Variants in CDC14A observed in about 807,000 individuals in gnomAD.
CDC14A encodes the protein dual specificity protein phosphatase CDC14A.
Under a neutral mutation model 74.4 loss-of-function variants are expected in CDC14A, and 53 were observed. The observed-to-expected ratio is 0.71, with a 90% CI of 0.57 to 0.89. The LOEUF (loss-of-function observed/expected upper bound fraction) is 0.89. CDC14A is among the 40% of genes least tolerant of loss of function. The pLI, the probability that CDC14A is intolerant of heterozygous loss-of-function variation, is 0.00. For missense variants in CDC14A, 646 were observed against 713.7 expected (o/e 0.91, Z 1.08); for synonymous variants, 247 against 258.4 (o/e 0.96, Z 0.43).
upstream of CDC14A, among the ~76,000 whole-genome samples, chr1:100,348,050 G>A (rs948202274): frequency 1.9e-4 from 29 of 152,068 alleles, no homozygotes; most frequent in Admixed American, 9.8e-4. Flanking sequence ...TTGGGAGGGC[G>A]AGGTGGGCGG....
At chr1:100,371,932 G>A (rs574774548) in intron 2 of CDC14A, among the ~76,000 whole-genome samples, 1 of 152,268 alleles carries the variant, frequency 6.6e-6, no homozygotes, top group African/African-American at 2.4e-5. Context: ...ACTGGTAGAT[G>A]CATATTTATA....
intron 4 of CDC14A, among the ~76,000 whole-genome samples, chr1:100,401,464 T>C (rs1259880511): frequency 2.0e-5 from 3 of 152,136 alleles, no homozygotes; most frequent in Non-Finnish European, 2.9e-5. Flanking sequence ...ATTGTAAAAA[T>C]AACAGCAAGA....
chr1:100,390,041 T>C (rs1277348982), intron 3 of CDC14A, among the ~76,000 whole-genome samples: 8 of 152,202 alleles, frequency 5.3e-5, no homozygotes, highest in African/African-American at 1.7e-4. Flanking sequence ...CAACATACCA[T>C]GTTGATTATT....
intron 5 of CDC14A, among the ~76,000 whole-genome samples, chr1:100,437,309 A>G (rs944896337): frequency 1.3e-5 from 2 of 152,224 alleles, no homozygotes; most frequent in African/African-American, 2.4e-5. Flanking sequence ...TCACTGTTAT[A>G]GTATTTTCCT....
At chr1:100,402,547 AG>A (rs1659403809) in intron 4 of CDC14A, among the ~76,000 whole-genome samples, 12 of 152,338 alleles carry the variant, frequency 7.9e-5, no homozygotes, top group Admixed American at 6.5e-4. Flanking sequence ...CATCTTAATT[AG>A]AAAAAAAAGA....
At chr1:100,498,017 T>G in intron 13 of CDC14A, 68 bp from the exon 14 acceptor site, 2 of 1,496,004 alleles carry the variant, frequency 1.3e-6, no homozygotes, top group South Asian at 1.2e-5. Flanking sequence ...TATCTTGTCC[T>G]AGTTAGTTGC....
At chr1:100,410,344 C>A (rs147711708) in intron 4 of CDC14A, among the ~76,000 whole-genome samples, 1 of 151,820 alleles carries the variant, frequency 6.6e-6, no homozygotes, top group Non-Finnish European at 1.5e-5. Flanking sequence ...TTTTCCAAGA[C>A]GGAGTCTTGC....
chr1:100,456,668 TA>T (rs1666730326), intron 8 of CDC14A, among the ~76,000 whole-genome samples: 1 of 152,186 alleles, frequency 6.6e-6, no homozygotes, highest in Non-Finnish European at 1.5e-5. Context: ...TATTTTTCTT[TA>T]ATCATCATAT....
At chr1:100,466,959 A>G (rs1423427602) in intron 9 of CDC14A, among the ~76,000 whole-genome samples, 1 of 151,578 alleles carries the variant, frequency 6.6e-6, no homozygotes, top group East Asian at 1.9e-4. Flanking sequence ...GGGATGAAAA[A>G]CTTTTTTTTT....
At chr1:100,423,697 ACT>A (rs1441210854) in intron 4 of CDC14A, 1 of 153,848 alleles carries the variant, frequency 6.5e-6, no homozygotes, top group African/African-American at 2.4e-5. Context: ...GTTTTCCAAT[ACT>A]CTTACCCATA....
Position 100,352,978 on chromosome 1 carries a change from A to G in CDC14A, c.24A>G (p.Leu8=). 6.2e-7 allele frequency: 1 copy of G among 1,614,046 alleles called. No individual in the cohort carries two copies. Among genetic ancestry groups the G allele is most frequent in the Non-Finnish European group, 8.5e-7 (1 of 1,180,004 alleles). The change falls in exon 1 of 16, where the codon CTA becomes CTG. Residue 8 remains leucine (L), a synonymous_variant. Transcript: ENST00000336454. The part of the protein sequence containing the change: MAAESGE[L]IGACEFMKDR... ...AGATGGCAGCGGAGTCAGGGGAACTAATCGGGGCTTGTGAGTTCATGAAAG... is the reference window on the plus strand; with the variant it reads ...AGATGGCAGCGGAGTCAGGGGAACTGATCGGGGCTTGTGAGTTCATGAAAG...
intron 3 of CDC14A, 95 bp downstream of exon 3, chr1:100,377,716 G>A: frequency 4.7e-6 from 4 of 849,332 alleles, no homozygotes; most frequent in Non-Finnish European, 7.5e-6. Flanking sequence ...ATTTAGTCAG[G>A]TGATCTTGAT....
intron 4 of CDC14A, among the ~76,000 whole-genome samples, chr1:100,392,732 A>G (rs1231385340): frequency 1.3e-5 from 2 of 152,226 alleles, no homozygotes; most frequent in East Asian, 3.8e-4. Flanking sequence ...AGATCCTTGG[A>G]TACAAAACAT....
intron 2 of CDC14A, among the ~76,000 whole-genome samples, chr1:100,360,243 T>A (rs1011355582): frequency 4.0e-5 from 6 of 151,678 alleles, no homozygotes; most frequent in Admixed American, 2.0e-4. Context: ...TGAGCCACTG[T>A]GCCTAGCCTT....
At chr1:100,498,019 G>A in intron 13 of CDC14A, 66 bp from the exon 14 acceptor site, 1 of 1,507,098 alleles carries the variant, frequency 6.6e-7, no homozygotes, top group East Asian at 2.3e-5. Flanking sequence ...TCTTGTCCTA[G>A]TTAGTTGCTG....
chr1:100,383,145 G>A (rs1360647445), intron 3 of CDC14A, among the ~76,000 whole-genome samples: 1 of 152,170 alleles, frequency 6.6e-6, no homozygotes, highest in Non-Finnish European at 1.5e-5. Flanking sequence ...AACTCCCATA[G>A]GAGCGAGCAT....
chr1:100,484,438 A>G lies in CDC14A; in HGVS notation c.1124A>G (p.Glu375Gly). 1 of 1,601,564 alleles carries G rather than the reference A, an allele frequency of 6.2e-7. No individual in the cohort carries two copies. The highest frequency in any genetic ancestry group is 8.5e-7 in the Non-Finnish European group (1 of 1,175,434). ...AATCTTTCAAAAACACAAAACATGGAACGATTTGGAGAGGTAAGTTTTCCC... is the reference window on the plus strand; with the variant it reads ...AATCTTTCAAAAACACAAAACATGGGACGATTTGGAGAGGTAAGTTTTCCC... ...GGNLSKTQNM[E>G]RFGEDNLEDD... Residue 375 changes from glutamate to glycine, a missense_variant, in exon 11 of 16, where the codon GAA becomes GGA. By Grantham distance (98) the Glu-to-Gly change is moderately conservative. Coordinates refer to ENST00000336454, the MANE Select transcript of CDC14A (RefSeq NM_003672.4).
Position 100,454,984 on chromosome 1 carries a change from G to C in CDC14A, c.520-421G>C, listed in dbSNP as rs115448013. ...TAAAAAGAGAAAAAAAATTGGAAGT[G>C]TATTCATCAGGAGCTTGATATTTAC... On this transcript the variant is annotated intron_variant, in intron 7 of 15. Coordinates refer to ENST00000336454, the MANE Select transcript of CDC14A (RefSeq NM_003672.4). Among the ~76,000 whole-genome samples, 1,169 of 152,258 alleles carry C rather than the reference G, an allele frequency of 7.7e-3. 23 individuals carry two copies. The highest frequency in any genetic ancestry group is 0.026 in the African/African-American group (1,091 of 41,554).
intron 2 of CDC14A, 116 bp downstream of exon 2, chr1:100,353,968 A>G (rs1651520742): frequency 1.5e-6 from 1 of 662,596 alleles, no homozygotes; most frequent in Non-Finnish European, 2.7e-6. Context: ...TACGAGTAAC[A>G]ATATCAATTT....
Sources: allele counts gnomAD v4.1 joint callset (sites outside exome capture counted in the v4.1 genomes callset), GRCh38; gene constraint gnomAD v4.1.1; transcripts MANE v1.5; gene names NCBI Gene and HGNC (gene_info 2026-07-23, HGNC 2026-07-21).